Variants in MYL11 observed in about 807,000 individuals in gnomAD.
MYL11 encodes the protein myosin regulatory light chain 11.
the MYL11 span, chr16:30,377,499 G>C: frequency 1.5e-6 from 1 of 662,414 alleles, no homozygotes; most frequent in Non-Finnish European, 2.3e-6. Flanking sequence ...AATGTGGGCG[G>C]AGAGGGCAAA....
At chr16:30,377,980 C>T in the MYL11 span, 1 of 1,409,192 alleles carries the variant, frequency 7.1e-7, no homozygotes, top group Non-Finnish European at 9.8e-7. Context: ...TTTAACTGAT[C>T]TTTGTTTCTT....
chr16:30,377,842 T>A, the MYL11 span: 2 of 1,614,026 alleles, frequency 1.2e-6, no homozygotes, highest in Non-Finnish European at 1.7e-6. Flanking sequence ...GGCGGCAACG[T>A]CGACTACAAA....
the MYL11 span, chr16:30,376,799 G>A: frequency 8.3e-7 from 1 of 1,210,760 alleles, no homozygotes; most frequent in Non-Finnish European, 1.2e-6. Flanking sequence ...GGGCCCTGTG[G>A]CTCAGGCCTA....
At chr16:30,377,466 G>A in the MYL11 span, 2 of 509,858 alleles carry the variant, frequency 3.9e-6, no homozygotes, top group Admixed American at 3.6e-5. Flanking sequence ...GGTAATGGGC[G>A]GTAAGATTGC....
At chr16:30,371,165 C>CCCAAAGAT in the MYL11 span, among the ~76,000 whole-genome samples, 1 of 152,228 alleles carries the variant, frequency 6.6e-6, no homozygotes, top group Non-Finnish European at 1.5e-5. Context: ...TGCCAGCAGG[C>CCCAAAGAT]GGTGCCAGCC....
At chr16:30,373,273 A>G in the MYL11 span, among the ~76,000 whole-genome samples, 1 of 152,088 alleles carries the variant, frequency 6.6e-6, no homozygotes, top group East Asian at 1.9e-4. Flanking sequence ...CCTGGCCAAC[A>G]TGGTGAAACG....
chr16:30,374,863 G>T, the MYL11 span: 1 of 1,613,560 alleles, frequency 6.2e-7, no homozygotes, highest in Non-Finnish European at 8.5e-7. Context: ...AAGACATGGT[G>T]AGTGAGAATC....
chr16:30,377,144 C>T, the MYL11 span, among the ~76,000 whole-genome samples: 1 of 151,812 alleles, frequency 6.6e-6, no homozygotes. Flanking sequence ...ACCCTGGAGT[C>T]GGAGGTTGCA....
At chr16:30,375,917 G>GT in the MYL11 span, 2 of 1,613,724 alleles carry the variant, frequency 1.2e-6, no homozygotes, top group Non-Finnish European at 1.7e-6. Flanking sequence ...AAAGAGGTGG[G>GT]TGAGGGGACG....
At chr16:30,377,942 C>G in the MYL11 span, 2 of 1,542,000 alleles carry the variant, frequency 1.3e-6, no homozygotes, top group South Asian at 1.1e-5. Context: ...TCTGTTCGGC[C>G]CGACCTCCAC....
chr16:30,376,710 C>T, the MYL11 span: 4 of 1,611,690 alleles, frequency 2.5e-6, no homozygotes, highest in African/African-American at 1.3e-5. Flanking sequence ...TAAGCATCGG[C>T]TCCCCCACCC....
the MYL11 span, chr16:30,377,569 G>A: frequency 0.022 from 29,963 of 1,348,040 alleles, 423 homozygotes; most frequent in Non-Finnish European, 0.026. Context: ...AGGGGAGGCT[G>A]GGGCTGGCAT....
the MYL11 span, chr16:30,377,491 T>A: frequency 1.7e-6 from 1 of 601,278 alleles, no homozygotes; most frequent in East Asian, 3.1e-5. Flanking sequence ...TCACAGCAAA[T>A]GTGGGCGGAG....
At chr16:30,375,464 C>CAAAAA in the MYL11 span, among the ~76,000 whole-genome samples, 6 of 74,492 alleles carry the variant, frequency 8.1e-5, no homozygotes, top group South Asian at 5.1e-4. Context: ...GACTCTGTCT[C>CAAAAA]AAAAAAAAAA....
the MYL11 span, chr16:30,375,775 G>A: frequency 6.6e-7 from 1 of 1,511,750 alleles, no homozygotes; most frequent in Non-Finnish European, 9.2e-7. Flanking sequence ...CAGAGAGGTG[G>A]AGGGACTGGT....
chr16:30,374,719 C>A, the MYL11 span: 2 of 1,087,392 alleles, frequency 1.8e-6, no homozygotes, highest in Non-Finnish European at 2.5e-6. Flanking sequence ...CTGGGGTGGG[C>A]ACCCGCAGGG....
the MYL11 span, chr16:30,376,822 T>A: frequency 4.3e-6 from 4 of 930,952 alleles, no homozygotes; most frequent in Non-Finnish European, 4.9e-6. Context: ...ATCCCAGTGC[T>A]TTGGGAGGCA....
At chr16:30,373,791 A>AC in the MYL11 span, among the ~76,000 whole-genome samples, 3 of 151,744 alleles carry the variant, frequency 2.0e-5, no homozygotes, top group Non-Finnish European at 4.4e-5. Context: ...AGAAAAGAAA[A>AC]AAAAATTCCC....
chr16:30,377,634 CT>C, the MYL11 span: 4 of 1,485,720 alleles, frequency 2.7e-6, no homozygotes, highest in African/African-American at 1.4e-5. Flanking sequence ...CGCAACTCCC[CT>C]TGTGTCACCT....
Sources: allele counts gnomAD v4.1 joint callset (sites outside exome capture counted in the v4.1 genomes callset), GRCh38; gene constraint gnomAD v4.1.1; transcripts MANE v1.5; gene names NCBI Gene and HGNC (gene_info 2026-07-23, HGNC 2026-07-21).